KDM4C: variants seen among roughly 807,000 people sequenced by gnomAD.
The protein encoded by KDM4C is lysine demethylase 4C.
Under a neutral mutation model 129.3 loss-of-function variants are expected in KDM4C, and 81 were observed. That is an observed-to-expected ratio of 0.63 (90% CI 0.52 to 0.75). KDM4C has a LOEUF of 0.75. Among genes scored for constraint, KDM4C ranks in the 30% least tolerant of loss-of-function variants. The probability of loss-of-function intolerance (pLI) is 0.00; values close to 1 mark genes in which losing one functional copy is unlikely to be tolerated. For synonymous variants in KDM4C, 573 were observed against 456.1 expected, an observed-to-expected ratio of 1.26 and a Z score of -3.26; for missense variants, 1,457 against 1,304.0, an observed-to-expected ratio of 1.12 and a Z score of -1.81.
chr9:6,931,907 A>T (rs1462120699), intron 8 of KDM4C, among the ~76,000 whole-genome samples: 1 of 152,244 alleles, frequency 6.6e-6, no homozygotes, highest in Non-Finnish European at 1.5e-5. Flanking sequence ...TAATTGTCTA[A>T]AGGTAGCTGT....
intron 8 of KDM4C, among the ~76,000 whole-genome samples, chr9:6,943,543 C>A (rs143704175): frequency 2.6e-5 from 4 of 151,898 alleles, no homozygotes; most frequent in Non-Finnish European, 4.4e-5. Flanking sequence ...AGCATGGTGG[C>A]GTGTGCCTCT....
chr9:7,023,856 G>A (rs1416777019), intron 15 of KDM4C, among the ~76,000 whole-genome samples: 1 of 152,064 alleles, frequency 6.6e-6, no homozygotes, highest in East Asian at 1.9e-4. Context: ...TTCAAGAAAT[G>A]TTTCAATTTC....
chr9:7,120,367 GTT>G (rs1417638691), intron 18 of KDM4C, among the ~76,000 whole-genome samples: 1 of 152,118 alleles, frequency 6.6e-6, no homozygotes, highest in Admixed American at 6.5e-5. Flanking sequence ...AAGCTAGAGA[GTT>G]TTCTTATAAG....
At chr9:7,066,574 C>T (rs916708686) in intron 17 of KDM4C, among the ~76,000 whole-genome samples, 5 of 151,978 alleles carry the variant, frequency 3.3e-5, no homozygotes, top group Non-Finnish European at 5.9e-5. Flanking sequence ...TTAGAAATGA[C>T]AATAAACATG....
At chr9:6,938,309 C>A (rs146887365) in intron 8 of KDM4C, among the ~76,000 whole-genome samples, 230 of 152,246 alleles carry the variant, frequency 1.5e-3, no homozygotes, top group African/African-American at 5.4e-3. Context: ...ATGGTATAAG[C>A]CCCATTTCCA....
intron 5 of KDM4C, among the ~76,000 whole-genome samples, chr9:6,858,562 C>G (rs1840323253): frequency 6.6e-6 from 1 of 152,066 alleles, no homozygotes; most frequent in Admixed American, 6.6e-5. Flanking sequence ...TCATTTGAGA[C>G]CAGGAGTTCA....
intron 8 of KDM4C, among the ~76,000 whole-genome samples, chr9:6,930,041 A>G (rs1054836807): frequency 5.9e-5 from 9 of 152,184 alleles, no homozygotes; most frequent in Non-Finnish European, 1.3e-4. Context: ...TAATTGGATG[A>G]ATGTGATGCA....
intron 19 of KDM4C, among the ~76,000 whole-genome samples, chr9:7,142,692 T>C (rs552545370): frequency 7.9e-5 from 12 of 152,272 alleles, no homozygotes; most frequent in African/African-American, 2.9e-4. Context: ...TAATTGTAGA[T>C]GTACAATGTT....
At chr9:6,904,890 C>G (rs1331508253) in intron 8 of KDM4C, among the ~76,000 whole-genome samples, 2 of 147,988 alleles carry the variant, frequency 1.4e-5, no homozygotes, top group Non-Finnish European at 3.0e-5. Context: ...GGGAATAACA[C>G]AAAAGAAAAA....
At chr9:7,167,839 T>C (rs1451759656) in intron 20 of KDM4C, among the ~76,000 whole-genome samples, 1 of 152,176 alleles carries the variant, frequency 6.6e-6, no homozygotes, top group Non-Finnish European at 1.5e-5. Context: ...AGAGAGTGTT[T>C]GCTTAGTGCA....
intron 1 of KDM4C, among the ~76,000 whole-genome samples, chr9:6,767,313 TTG>T (rs1366451968): frequency 2.0e-5 from 3 of 148,580 alleles, no homozygotes; most frequent in South Asian, 4.3e-4. Context: ...GCTAATTTTT[TTG>T]TGTTTTTAGT....
At chr9:7,146,160 C>G (rs1311553508) in intron 19 of KDM4C, among the ~76,000 whole-genome samples, 1 of 152,120 alleles carries the variant, frequency 6.6e-6, no homozygotes, top group Non-Finnish European at 1.5e-5. Flanking sequence ...ATTGTATGTA[C>G]AGTAAGATCC....
Position 6,910,951 on chromosome 9 carries a change from G to C in KDM4C, c.921+17719G>C, listed in dbSNP as rs568837097. ...TTGTAATACACGGTCATGGATTAAA[G>C]AAAGGTTATAGAATAGGATCTTTTC... On this transcript the variant is annotated intron_variant, in intron 8 of 21. Transcript: ENST00000381309. Among the ~76,000 whole-genome samples, 3 of 152,308 alleles carry C rather than the reference G, an allele frequency of 2.0e-5. No individual in the cohort carries two copies. In the East Asian group the frequency reaches 5.8e-4, roughly 29 times the overall value.
At chr9:6,933,746 A>G (rs1247736166) in intron 8 of KDM4C, among the ~76,000 whole-genome samples, 1 of 152,238 alleles carries the variant, frequency 6.6e-6, no homozygotes, top group Non-Finnish European at 1.5e-5. Flanking sequence ...AGGTTTGGCA[A>G]TGAAAGATAC....
At chr9:6,882,772 T>TTGTG (rs3072026) in intron 6 of KDM4C, among the ~76,000 whole-genome samples, 23,345 of 149,588 alleles carry the variant, frequency 0.16, 2,069 homozygotes, top group Middle Eastern at 0.28. Context: ...TTTTAAGCAT[T>TTGTG]TGTGTGTGTG....
At chr9:6,742,066 G>C (rs1054679629) in intron 1 of KDM4C, among the ~76,000 whole-genome samples, 1 of 151,712 alleles carries the variant, frequency 6.6e-6, no homozygotes, top group African/African-American at 2.4e-5. Context: ...TCCACCTCCC[G>C]GGTTCAAGCG....
At chr9:7,011,999 G>A (rs953910401) in intron 13 of KDM4C, 120 bp downstream of exon 13, 2 of 715,042 alleles carry the variant, frequency 2.8e-6, no homozygotes, top group Non-Finnish European at 2.3e-6. Flanking sequence ...GACGTCCTTA[G>A]GTAGCTGATG....
intron 18 of KDM4C, among the ~76,000 whole-genome samples, chr9:7,114,058 G>T (rs1026261583): frequency 2.0e-5 from 3 of 152,160 alleles, no homozygotes; most frequent in Non-Finnish European, 2.9e-5. Context: ...TGAAATTGCT[G>T]TTTTATAGGT....
chr9:6,802,303 T>C (rs1461627427), intron 2 of KDM4C, among the ~76,000 whole-genome samples: 2 of 152,146 alleles, frequency 1.3e-5, no homozygotes, highest in Non-Finnish European at 2.9e-5. Flanking sequence ...TATATTGCAG[T>C]TGGGAGTGCA....
Sources: gnomAD v4.1 joint callset for allele counts (sites outside exome capture counted in the v4.1 genomes callset) on GRCh38, gnomAD v4.1.1 for gene constraint, MANE v1.5 for transcripts, NCBI Gene and HGNC (gene_info 2026-07-23, HGNC 2026-07-21) for gene names.